Variants in ZFYVE26 observed in about 807,000 individuals in gnomAD.
The protein encoded by ZFYVE26 is zinc finger FYVE domain-containing protein 26.
Under a neutral mutation model 276.5 loss-of-function variants are expected in ZFYVE26, and 181 were observed. The observed-to-expected ratio is 0.65, with a 90% CI of 0.58 to 0.74. The LOEUF (loss-of-function observed/expected upper bound fraction) is 0.74. Among genes scored for constraint, ZFYVE26 ranks in the 30% least tolerant of loss-of-function variants. ZFYVE26 has a pLI of 0.00. For missense variants in ZFYVE26, 2,821 were observed against 3,097.9 expected (o/e 0.91, Z 2.12); for synonymous variants, 1,129 against 1,203.1 (o/e 0.94, Z 1.27).
At chr14:67,790,046 T>C (rs2039768919) in intron 15 of ZFYVE26, among the ~76,000 whole-genome samples, 1 of 152,210 alleles carries the variant, frequency 6.6e-6, no homozygotes, top group Non-Finnish European at 1.5e-5. Flanking sequence ...TACCATGGTA[T>C]GTAGGGCCTA....
In ZFYVE26 at chr14:67,780,316, C is replaced by T. The variant is rs2140219010; in HGVS notation, c.4599G>A (p.Trp1533Ter). 1 of 1,613,920 alleles carries T rather than the reference C, an allele frequency of 6.2e-7. No homozygotes were observed. The highest frequency in any genetic ancestry group is 8.5e-7 in the Non-Finnish European group (1 of 1,179,964). ...AGCTCCTCAAGGTCTGCCAGTCACACCACACTGGGGGAGACTGCAAACCCA... is the reference window on the plus strand; with the variant it reads ...AGCTCCTCAAGGTCTGCCAGTCACATCACACTGGGGGAGACTGCAAACCCA... ...KILGLQSPPV[W>*]CDWQTLRSCC... Residue 1533 changes from tryptophan (W) to a stop codon, truncating the protein, a stop_gained, in exon 23 of 42, where the codon TGG becomes TGA. Coordinates refer to ENST00000347230, the MANE Select transcript of ZFYVE26 (RefSeq NM_015346.4). LOFTEE classifies it high-confidence loss of function.
intron 2 of ZFYVE26, 140 bp downstream of exon 2, chr14:67,815,630 A>T: frequency 1.2e-6 from 1 of 859,954 alleles, no homozygotes; most frequent in Non-Finnish European, 2.0e-6. Context: ...TAGAGGTAAA[A>T]TTTCAGAGCA....
intron 34 of ZFYVE26, 140 bp downstream of exon 34, chr14:67,762,063 G>GA: frequency 2.1e-6 from 2 of 948,220 alleles, no homozygotes; most frequent in African/African-American, 1.6e-5. Flanking sequence ...ATATGTGATG[G>GA]AAAAAAAAAA....
intron 29 of ZFYVE26, 23 bp downstream of exon 29, chr14:67,769,571 C>T (rs376771537): frequency 1.2e-6 from 2 of 1,613,470 alleles, no homozygotes; most frequent in African/African-American, 2.7e-5. Context: ...ATAATAGCAA[C>T]AGCCCTGCTG....
chr14:67,798,659 G>A lies in ZFYVE26; in HGVS notation c.1640-37C>T, dbSNP rs924200009. On this transcript the variant is annotated intron_variant, in intron 10 of 41. Coordinates refer to ENST00000347230, the MANE Select transcript of ZFYVE26 (RefSeq NM_015346.4). The stretch of plus-strand genomic sequence containing the variant: ...TGTACAAGAGAAGAGGCCAGAGAAA[G>A]AGAAGACAGAGAATGCAAACATTAG... The A allele has an allele frequency of 2.5e-6, 4 of 1,612,698 alleles. No homozygotes were observed. The African/African-American group carries it at 5.3e-5, about 21-fold the overall frequency.
rs1594900989 is a variant in ZFYVE26, at chr14:67,772,137, C to T, written c.5394G>A (p.Val1798=). 6.2e-7 allele frequency: 1 copy of T among 1,613,108 alleles called. No homozygotes were observed. Among genetic ancestry groups the T allele is most frequent in the South Asian group, 1.1e-5 (1 of 90,816 alleles). The stretch of plus-strand genomic sequence containing the variant: ...GCCTGGCAGGGGGTGTCGCTGGGGG[C>T]ACAAATTCCTGTGAGGGCTGGGTTG... ...FPPTQPSQEF[V]PPATPPARHQ... Residue 1798 remains valine, a synonymous_variant, in exon 28 of 42, where the codon GTG becomes GTA. Transcript: ENST00000347230.
intron 31 of ZFYVE26, 76 bp downstream of exon 31, chr14:67,767,628 C>T (rs2039091821): frequency 1.3e-6 from 2 of 1,597,522 alleles, no homozygotes; most frequent in East Asian, 2.2e-5. Flanking sequence ...GTGTGTTCAC[C>T]TACCTCTGTA....
At chr14:67,740,646 T>C (rs1009094971) in intron 13 of ZFYVE26, among the ~76,000 whole-genome samples, 3 of 152,208 alleles carry the variant, frequency 2.0e-5, no homozygotes, top group Admixed American at 6.5e-5. Flanking sequence ...CTGTGGCTCA[T>C]GCCTGTAATC....
At chr14:67,787,688 A>G (rs551031758) in intron 16 of ZFYVE26, among the ~76,000 whole-genome samples, 1 of 152,204 alleles carries the variant, frequency 6.6e-6, no homozygotes, top group Middle Eastern at 3.2e-3. Flanking sequence ...ATTTTAGGAT[A>G]TAAGTATTAG....
At chr14:67,792,930 A>G (rs1419091985) in intron 14 of ZFYVE26, among the ~76,000 whole-genome samples, 12 of 150,314 alleles carry the variant, frequency 8.0e-5, no homozygotes, top group Non-Finnish European at 1.2e-4. Flanking sequence ...AAAAAAAAAA[A>G]AAAAGAAAAG....
In ZFYVE26 at chr14:67,756,143, CT is replaced by C; in HGVS notation, c.6590del (p.Glu2197GlyfsTer8). The C allele has an allele frequency of 6.2e-7, 1 of 1,614,072 alleles. No individual in the cohort carries two copies. The highest frequency in any genetic ancestry group is 8.5e-7 in the Non-Finnish European group (1 of 1,179,928). On this transcript the variant is annotated frameshift_variant and splice_region_variant, in exon 36 of 42. Transcript: ENST00000347230. LOFTEE classifies it high-confidence loss of function. Reference sequence around the variant, plus strand: ...CTTCTATAAAAACTTCTGGAGGACTCTCCTGGAGCAGGGCAGGGCGAGAAGT... The same window carrying C: ...CTTCTATAAAAACTTCTGGAGGACTCCCTGGAGCAGGGCAGGGCGAGAAGT... ...REALLHLLNK[E>X]SPPEVFIEGI...
At chr14:67,804,795 T>A (rs899190799) in intron 8 of ZFYVE26, among the ~76,000 whole-genome samples, 1 of 152,206 alleles carries the variant, frequency 6.6e-6, no homozygotes, top group East Asian at 1.9e-4. Flanking sequence ...TGGATGACAT[T>A]GTGAGCTGTG....
In ZFYVE26 at chr14:67,748,624, T is replaced by G. The variant is rs181180963; in HGVS notation, c.7432A>C (p.Ile2478Leu). The G allele has an allele frequency of 2.5e-5, 40 of 1,614,002 alleles. No homozygotes were observed. Among genetic ancestry groups the G allele is most frequent in the Non-Finnish European group, 3.4e-5 (40 of 1,180,034 alleles). Residue 2478 changes from isoleucine to leucine, a missense_variant, in exon 42 of 42, where the codon ATA (isoleucine) becomes CTA (leucine). By Grantham distance (5) the Ile-to-Leu change is conservative. Coordinates refer to ENST00000347230, the MANE Select transcript of ZFYVE26 (RefSeq NM_015346.4). ...NDDNKVRAYL[I>L]CCKLRSAYLI... ...TAGGCAGAACGCAGTTTGCAACATA[T>G]CAGGTAGGCCCGAACCTGGCAGTCA...
chr14:67,809,579 C>T (rs868812854), intron 3 of ZFYVE26, among the ~76,000 whole-genome samples: 8 of 151,662 alleles, frequency 5.3e-5, no homozygotes, highest in African/African-American at 1.5e-4. Flanking sequence ...CGCACCACCA[C>T]GTCCAGCTAA....
intron 24 of ZFYVE26, 39 bp from the exon 25 acceptor site, chr14:67,777,774 G>GA (rs1470086816): frequency 6.2e-7 from 1 of 1,611,192 alleles, no homozygotes; most frequent in Non-Finnish European, 8.5e-7. Flanking sequence ...GTGGCCTGCA[G>GA]AAGAGCTCTT....
intron 23 of ZFYVE26, among the ~76,000 whole-genome samples, chr14:67,779,884 T>G (rs1231993513): frequency 6.6e-5 from 10 of 152,260 alleles, no homozygotes; most frequent in Non-Finnish European, 1.3e-4. Flanking sequence ...TTTTATTTTA[T>G]TTTTTGAGAC....
At chr14:67,794,281 C>T (rs1183340649) in intron 12 of ZFYVE26, 42 bp from the exon 13 acceptor site, 6 of 1,589,366 alleles carry the variant, frequency 3.8e-6, no homozygotes, top group Non-Finnish European at 5.2e-6. Flanking sequence ...ATTATCAGCT[C>T]CTTATAGAGT....
chr14:67,730,766 A>T (rs1016661737), intron 13 of ZFYVE26, among the ~76,000 whole-genome samples: 1 of 151,774 alleles, frequency 6.6e-6, no homozygotes, highest in African/African-American at 2.4e-5. Context: ...ACCACACCTG[A>T]CTAGTTTTTG....
intron 36 of ZFYVE26, 66 bp downstream of exon 36, chr14:67,755,882 C>A (rs1392724657): frequency 6.3e-7 from 1 of 1,583,852 alleles, no homozygotes; most frequent in African/African-American, 1.3e-5. Flanking sequence ...CCTCATCGTG[C>A]ACTGCCTCTC....
Sources: allele counts gnomAD v4.1 joint callset (sites outside exome capture counted in the v4.1 genomes callset), GRCh38; gene constraint gnomAD v4.1.1; transcripts MANE v1.5; gene names NCBI Gene and HGNC (gene_info 2026-07-23, HGNC 2026-07-21).